SNTB1: variants seen among roughly 807,000 people sequenced by gnomAD.
SNTB1 encodes the protein beta-1-syntrophin.
Under a neutral mutation model 48.9 loss-of-function variants are expected in SNTB1, and 36 were observed. The ratio of observed to expected loss-of-function variants is 0.74; its 90% CI spans 0.56 to 0.97. SNTB1 has a LOEUF of 0.97. Ranked by LOEUF, SNTB1 falls within the 50% of genes least tolerant of loss-of-function variation. SNTB1 has a pLI of 0.00. For synonymous variants in SNTB1, 299 were observed against 294.6 expected (o/e 1.01, Z -0.15); for missense variants, 786 against 703.4 (o/e 1.12, Z -1.33).
chr8:120,632,211 A>C (rs1259316940), intron 3 of SNTB1, among the ~76,000 whole-genome samples: 1 of 152,176 alleles, frequency 6.6e-6, no homozygotes, highest in Non-Finnish European at 1.5e-5. Flanking sequence ...TCCATCCAAC[A>C]ACCTGGACCC....
intron 1 of SNTB1, among the ~76,000 whole-genome samples, chr8:120,761,871 T>C (rs1819426727): frequency 6.6e-6 from 1 of 152,236 alleles, no homozygotes; most frequent in African/African-American, 2.4e-5. Flanking sequence ...TTTATTAAAA[T>C]AGTAACTCAG....
chr8:120,603,134 G>A (rs369424397), intron 3 of SNTB1, among the ~76,000 whole-genome samples: 50 of 149,768 alleles, frequency 3.3e-4, no homozygotes, highest in African/African-American at 1.1e-3. Flanking sequence ...ACGGGGTTTC[G>A]CTCTGTCGCC....
intron 1 of SNTB1, among the ~76,000 whole-genome samples, chr8:120,728,920 C>T (rs1393827489): frequency 1.3e-5 from 2 of 152,146 alleles, no homozygotes; most frequent in South Asian, 2.1e-4. Context: ...AATTTACATT[C>T]CCACAAACCG....
rs187136613 is a variant in SNTB1 at position 120,583,140 on chromosome 8, G to A, written c.997-7915C>T. ...TTAATAAATATAGCATTAAATGTAC[G>A]ATAATGGGATGTATGAAGAATTGAC... On this transcript the variant is annotated intron_variant, in intron 3 of 6. Transcript: ENST00000517992. 7.2e-5 allele frequency among the ~76,000 whole-genome samples: 11 copies of A among 152,108 alleles called. No individual in the cohort carries two copies. In the East Asian group the frequency reaches 1.3e-3, roughly 19 times the overall value.
At chr8:120,738,166 C>T (rs1818980203) in intron 1 of SNTB1, among the ~76,000 whole-genome samples, 1 of 152,138 alleles carries the variant, frequency 6.6e-6, no homozygotes, top group Non-Finnish European at 1.5e-5. Flanking sequence ...CAAGAAGACA[C>T]CTTCTATGAA....
intron 1 of SNTB1, among the ~76,000 whole-genome samples, chr8:120,796,784 C>G (rs1430313426): frequency 6.6e-6 from 1 of 151,962 alleles, no homozygotes; most frequent in Non-Finnish European, 1.5e-5. Context: ...GGATTCTTCC[C>G]TCGGTCTATG....
chr8:120,770,503 A>T (rs549398303), intron 1 of SNTB1, among the ~76,000 whole-genome samples: 1 of 151,948 alleles, frequency 6.6e-6, no homozygotes, highest in Non-Finnish European at 1.5e-5. Context: ...GGTTTGAGAG[A>T]GGTATCTTTG....
At chr8:120,591,852 T>C (rs544922067) in intron 3 of SNTB1, among the ~76,000 whole-genome samples, 1 of 152,294 alleles carries the variant, frequency 6.6e-6, no homozygotes, top group Admixed American at 6.5e-5. Flanking sequence ...CATTTCAGTC[T>C]CAGTGGCTAC....
chr8:120,635,074 CT>C (rs1376078572), intron 2 of SNTB1, among the ~76,000 whole-genome samples: 3 of 151,998 alleles, frequency 2.0e-5, no homozygotes, highest in Non-Finnish European at 4.4e-5. Flanking sequence ...AGAAAGTATT[CT>C]TTTTAAGGAA....
chr8:120,587,533 C>A (rs1816167731), intron 3 of SNTB1, among the ~76,000 whole-genome samples: 3 of 152,160 alleles, frequency 2.0e-5, no homozygotes, highest in Admixed American at 1.3e-4. Context: ...TATCCTTAGA[C>A]CCTGTGGAAT....
chr8:120,702,168 T>G (rs1271992086), intron 1 of SNTB1, among the ~76,000 whole-genome samples: 1 of 152,214 alleles, frequency 6.6e-6, no homozygotes. Flanking sequence ...ACCGACTGGC[T>G]CCCTACCCTT....
chr8:120,658,068 C>A (rs891949458), intron 2 of SNTB1, among the ~76,000 whole-genome samples: 1 of 152,126 alleles, frequency 6.6e-6, no homozygotes, highest in Admixed American at 6.6e-5. Context: ...ATCACTCATC[C>A]ATTCAGTTGT....
intron 1 of SNTB1, among the ~76,000 whole-genome samples, chr8:120,709,379 G>A (rs1461587993): frequency 6.6e-6 from 1 of 152,114 alleles, no homozygotes; most frequent in Admixed American, 6.5e-5. Flanking sequence ...GAGATGTGAG[G>A]TTTGAGCTGT....
intron 5 of SNTB1, among the ~76,000 whole-genome samples, chr8:120,545,740 A>G (rs1815370452): frequency 6.6e-6 from 1 of 152,236 alleles, no homozygotes; most frequent in Non-Finnish European, 1.5e-5. Context: ...GTGGCTGCTG[A>G]ACACTTAAAA....
intron 1 of SNTB1, among the ~76,000 whole-genome samples, chr8:120,778,840 G>GA (rs1378057472): frequency 6.6e-6 from 1 of 152,124 alleles, no homozygotes; most frequent in Non-Finnish European, 1.5e-5. Flanking sequence ...TAAAAAAACT[G>GA]AAAAAACAAT....
chr8:120,655,693 A>G (rs909391727), intron 2 of SNTB1, among the ~76,000 whole-genome samples: 3 of 152,190 alleles, frequency 2.0e-5, no homozygotes, highest in African/African-American at 7.2e-5. Flanking sequence ...TCTTTTGAAT[A>G]CCCATCCTGT....
chr8:120,638,317 T>A (rs773857854), intron 2 of SNTB1: 1 of 152,168 alleles, frequency 6.6e-6, no homozygotes, highest in Non-Finnish European at 1.5e-5. Flanking sequence ...CCACTATCCG[T>A]CTCAGTGCCT....
At chr8:120,766,625 A>G (rs1330616703) in intron 1 of SNTB1, among the ~76,000 whole-genome samples, 1 of 152,200 alleles carries the variant, frequency 6.6e-6, no homozygotes, top group African/African-American at 2.4e-5. Context: ...GGCAATACCA[A>G]ATTGAATAAG....
At position 120,811,569 on chromosome 8, in the gene SNTB1, C is replaced by T; in HGVS notation, c.275G>A (p.Arg92His). The change falls in exon 1 of 7, where the codon CGC becomes CAC. Residue 92 changes from arginine to histidine, a missense_variant. By Grantham distance (29) the Arg-to-His change is conservative. Transcript: ENST00000517992. ...CTCGGGCAGGTCGGTGAAAGCGGTG[C>T]GGACCCCGGCGGGCGAGTCCGGGGG... The part of the protein sequence containing the change: ...AQPPDSPAGV[R>H]TAFTDLPEQV... 1 of 1,566,740 alleles carries T rather than the reference C, an allele frequency of 6.4e-7. No homozygotes were observed. Among genetic ancestry groups the T allele is most frequent in the East Asian group, 2.4e-5 (1 of 41,866 alleles).
Sources: allele counts gnomAD v4.1 joint callset (sites outside exome capture counted in the v4.1 genomes callset), GRCh38; gene constraint gnomAD v4.1.1; transcripts MANE v1.5; gene names NCBI Gene and HGNC (gene_info 2026-07-23, HGNC 2026-07-21).